Variants in LDLRAP1 observed in about 807,000 individuals in gnomAD.
The protein encoded by LDLRAP1 is low density lipoprotein receptor adapter protein 1.
A neutral mutation model predicts 37.8 loss-of-function variants in LDLRAP1; 30 were observed. That is an observed-to-expected ratio of 0.79 (90% CI 0.59 to 1.08). The LOEUF (loss-of-function observed/expected upper bound fraction) is 1.08, where lower values mean the gene tolerates loss of function less well. LDLRAP1 is among the 50% of genes least tolerant of loss of function. The pLI is 0.00. For missense variants in LDLRAP1, 375 were observed against 401.6 expected, an observed-to-expected ratio of 0.93 and a Z score of 0.57; for synonymous variants, 156 against 169.8, an observed-to-expected ratio of 0.92 and a Z score of 0.63.
the LDLRAP1 span, among the ~76,000 whole-genome samples, chr1:25,580,950 G>A: frequency 6.6e-6 from 1 of 152,314 alleles, no homozygotes; most frequent in South Asian, 2.1e-4. Flanking sequence ...ATCCCGGAAG[G>A]CTCAGAACCA....
chr1:25,569,758 T>C (rs2044577593), downstream of LDLRAP1, among the ~76,000 whole-genome samples: 1 of 152,242 alleles, frequency 6.6e-6, no homozygotes, highest in Admixed American at 6.5e-5. Flanking sequence ...ACGGTTGTGC[T>C]GAGCGCAGAT....
At chr1:25,582,956 C>T in the LDLRAP1 span, among the ~76,000 whole-genome samples, 4 of 151,586 alleles carry the variant, frequency 2.6e-5, no homozygotes, top group African/African-American at 9.7e-5. Flanking sequence ...CCTGTAGTCC[C>T]AGCTACTTGG....
At chr1:25,565,420 G>A (rs1173016296) in intron 8 of LDLRAP1, among the ~76,000 whole-genome samples, 1 of 152,184 alleles carries the variant, frequency 6.6e-6, no homozygotes, top group African/African-American at 2.4e-5. Context: ...CTGTTAGAAA[G>A]TTCTTACTGT....
At chr1:25,543,853 G>A in intron 1 of LDLRAP1, 67 bp downstream of exon 1, 1 of 1,057,370 alleles carries the variant, frequency 9.5e-7, no homozygotes. Context: ...CTCCGCGGGC[G>A]CCCGGAGTGC....
intron 1 of LDLRAP1, among the ~76,000 whole-genome samples, chr1:25,552,292 G>T (rs190599104): frequency 6.6e-6 from 1 of 152,348 alleles, no homozygotes; most frequent in Admixed American, 6.5e-5. Context: ...AGCCTCAGCT[G>T]CCCTGGAACT....
At chr1:25,570,136 C>T (rs2044583731), downstream of LDLRAP1, among the ~76,000 whole-genome samples, 1 of 152,232 alleles carries the variant, frequency 6.6e-6, no homozygotes, top group South Asian at 2.1e-4. Context: ...ATATCAGCAT[C>T]AGGCTGACTC....
In LDLRAP1 at chr1:25,565,171, A is replaced by G; in HGVS notation, c.748-2A>G. 2 of 1,613,956 alleles carry G rather than the reference A, an allele frequency of 1.2e-6. No homozygotes were observed. Among genetic ancestry groups the G allele is most frequent in the East Asian group, 2.2e-5 (1 of 44,882 alleles). ...CTTATCTCCTGCTTTGTTTTCCCCAAGGAGCTGGATGATGGCCTGGATGAA... is the reference window on the plus strand; with the variant it reads ...CTTATCTCCTGCTTTGTTTTCCCCAGGGAGCTGGATGATGGCCTGGATGAA... On this transcript the variant is annotated splice_acceptor_variant, in intron 7 of 8. Coordinates refer to ENST00000374338, the MANE Select transcript of LDLRAP1 (RefSeq NM_015627.3). LOFTEE classifies it high-confidence loss of function.
At chr1:25,570,827 C>G (rs540701932), downstream of LDLRAP1, among the ~76,000 whole-genome samples, 134 of 152,256 alleles carry the variant, frequency 8.8e-4, 2 homozygotes, top group African/African-American at 3.0e-3. Context: ...CCACTACACT[C>G]CAGCCTGGGC....
the LDLRAP1 span, among the ~76,000 whole-genome samples, chr1:25,582,403 G>A: frequency 6.6e-5 from 10 of 152,072 alleles, no homozygotes; most frequent in South Asian, 1.0e-3. Flanking sequence ...TGGCGAACAC[G>A]GTGAAACCCC....
At chr1:25,560,959 C>T (rs75019531) in intron 4 of LDLRAP1, among the ~76,000 whole-genome samples, 3,078 of 152,376 alleles carry the variant, frequency 0.02, 92 homozygotes, top group African/African-American at 0.068. Flanking sequence ...TACCTGCACA[C>T]ATCCACCTCT....
In LDLRAP1 at chr1:25,556,458, C is replaced by A. The variant is rs138340691; in HGVS notation, c.345-695C>A. Reference sequence around the variant, plus strand: ...GGTCCTCGTCACACACGCACCCCACCCCTACTCCCAGCTCTTCACCCCTGG... The same window carrying A: ...GGTCCTCGTCACACACGCACCCCACACCTACTCCCAGCTCTTCACCCCTGG... On this transcript the variant is annotated intron_variant, in intron 3 of 8. Transcript: ENST00000374338. Among the ~76,000 whole-genome samples, 301 of 152,300 alleles carry A rather than the reference C, an allele frequency of 2.0e-3. 1 individual carries two copies. Among genetic ancestry groups the A allele is most frequent in the African/African-American group, 6.9e-3 (286 of 41,542 alleles).
chr1:25,560,347 G>C (rs972626100), intron 4 of LDLRAP1, among the ~76,000 whole-genome samples: 2 of 152,134 alleles, frequency 1.3e-5, no homozygotes, highest in Non-Finnish European at 2.9e-5. Context: ...GAGGTTGGGG[G>C]AGAAAGGCTC....
rs1206969915 is a variant in LDLRAP1, at chr1:25,555,509, G to A, written c.344+537G>A. Among the ~76,000 whole-genome samples the A allele has an allele frequency of 2.0e-5, 3 of 152,206 alleles. No homozygotes were observed. The highest frequency in any genetic ancestry group is 7.2e-5 in the African/African-American group (3 of 41,450). On this transcript the variant is annotated intron_variant, in intron 3 of 8. Coordinates refer to ENST00000374338, the MANE Select transcript of LDLRAP1 (RefSeq NM_015627.3). The surrounding 1 kb of genome is among the most constrained non-coding windows in gnomAD (Gnocchi z 4.7). ...TAGTTTTTCAGAACTGGAAGGGACA[G>A]CTCAGGTCCATTTTACAGATGGAGA... is the stretch of plus-strand genomic sequence containing the variant.
chr1:25,551,425 T>A lies in LDLRAP1; in HGVS notation c.89-2497T>A, dbSNP rs753379029. On this transcript the variant is annotated intron_variant, in intron 1 of 8. Transcript: ENST00000374338. The stretch of plus-strand genomic sequence containing the variant: ...TGGGCTTTAGAGTCAGTCCTTTGAG[T>A]CTCAGTTTCCTCTCTGTAAAATGGG... Among the ~76,000 whole-genome samples the A allele has an allele frequency of 8.6e-5, 13 of 151,978 alleles. 1 individual carries two copies. Among genetic ancestry groups the A allele is most frequent in the Non-Finnish European group, 1.6e-4 (11 of 67,850 alleles).
chr1:25,562,743 T>A (rs760976608), intron 5 of LDLRAP1, 27 bp downstream of exon 5: 22 of 1,604,634 alleles, frequency 1.4e-5, no homozygotes, highest in Non-Finnish European at 1.8e-5. Flanking sequence ...ACATTGTGGG[T>A]GTGGTGGGAG....
chr1:25,558,358 G>A (rs2044260506), intron 4 of LDLRAP1, among the ~76,000 whole-genome samples: 1 of 152,138 alleles, frequency 6.6e-6, no homozygotes, highest in South Asian at 2.1e-4. Flanking sequence ...TGGTCCCCAG[G>A]CTTCCTGCTG....
At chr1:25,585,389 G>T in the LDLRAP1 span, among the ~76,000 whole-genome samples, 1 of 150,902 alleles carries the variant, frequency 6.6e-6, no homozygotes, top group African/African-American at 2.4e-5. Flanking sequence ...GCAGTGGCAC[G>T]ACCTCGGCTC....
At chr1:25,551,456 G>A (rs72873727) in intron 1 of LDLRAP1, among the ~76,000 whole-genome samples, 25,183 of 152,202 alleles carry the variant, frequency 0.17, 4,605 homozygotes, top group African/African-American at 0.46. Flanking sequence ...ATGGGAATGA[G>A]AGAATGCCTG....
chr1:25,562,947 T>G, intron 5 of LDLRAP1, 123 bp from the exon 6 acceptor site: 1 of 990,424 alleles, frequency 1.0e-6, no homozygotes, highest in Non-Finnish European at 1.6e-6. Context: ...GTTTCTTTCC[T>G]CCCGGCTGGA....
Sources: allele counts gnomAD v4.1 joint callset (sites outside exome capture counted in the v4.1 genomes callset), GRCh38; gene constraint gnomAD v4.1.1; non-coding constraint Gnocchi (gnomAD v3.1); transcripts MANE v1.5; gene names NCBI Gene and HGNC (gene_info 2026-07-23, HGNC 2026-07-21).